The following PTPRG variants were observed in gnomAD, a reference collection of about 807,000 sequenced individuals.
PTPRG encodes protein tyrosine phosphatase receptor type G, also known as receptor-type tyrosine-protein phosphatase gamma.
A neutral mutation model predicts 165.3 loss-of-function variants in PTPRG; 102 were observed. The ratio of observed to expected loss-of-function variants is 0.62; its 90% CI spans 0.53 to 0.73. PTPRG has a LOEUF of 0.73. Ranked by LOEUF, PTPRG falls within the 30% of genes least tolerant of loss-of-function variation. The pLI is 0.00. For missense variants in PTPRG, 1,866 were observed against 1,861.4 expected, an observed-to-expected ratio of 1.00 and a Z score of -0.05; for synonymous variants, 675 against 669.5, an observed-to-expected ratio of 1.01 and a Z score of -0.13.
Position 61,887,170 on chromosome 3 carries a change from A to ATATATATATTTT in PTPRG, c.191-102454_191-102453insATATATATTTTT, listed in dbSNP as rs60282456. On this transcript the variant is annotated intron_variant, in intron 2 of 29. Transcript: ENST00000474889. ...TATATATATATATATATATATATAT[A>ATATATATATTTT]TTTTTAATGCCATCATCAAACACTC... Among the ~76,000 whole-genome samples the ATATATATATTTT allele has an allele frequency of 1.3e-4, 15 of 115,532 alleles. No homozygotes were observed. In the East Asian group the frequency reaches 3.0e-3, roughly 23 times the overall value. The allele number at this position is 115,532 out of a possible 152,430, so 75.8% of individuals were successfully genotyped here. A position where few individuals can be genotyped will look rare whatever the true frequency, so the allele number is the denominator to read the frequency against.
chr3:61,931,312 G>C (rs1178194661), intron 2 of PTPRG, among the ~76,000 whole-genome samples: 1 of 152,192 alleles, frequency 6.6e-6, no homozygotes, highest in African/African-American at 2.4e-5. Context: ...TTTATTACTT[G>C]TTGTGGCTAA....
chr3:61,962,741 G>A (rs1416000925), intron 2 of PTPRG, among the ~76,000 whole-genome samples: 2 of 152,094 alleles, frequency 1.3e-5, no homozygotes, highest in Admixed American at 6.5e-5. Context: ...TGAATGCTTA[G>A]TATGTGTCAG....
At chr3:61,979,762 A>G (rs1259204731) in intron 2 of PTPRG, among the ~76,000 whole-genome samples, 2 of 152,154 alleles carry the variant, frequency 1.3e-5, no homozygotes, top group African/African-American at 4.8e-5. Flanking sequence ...CCCAGATAGC[A>G]TTTAATAGTT....
At chr3:62,004,242 G>C (rs1017495939) in intron 4 of PTPRG, among the ~76,000 whole-genome samples, 1 of 152,146 alleles carries the variant, frequency 6.6e-6, no homozygotes. Context: ...GAACATGTTT[G>C]TTTCTTGGTA....
intron 1 of PTPRG, among the ~76,000 whole-genome samples, chr3:61,662,111 G>A (rs1402915322): frequency 3.3e-5 from 5 of 152,154 alleles, no homozygotes; most frequent in Admixed American, 1.3e-4. Flanking sequence ...TTCTTGTCTT[G>A]GAAGGGGTTA....
intron 1 of PTPRG, among the ~76,000 whole-genome samples, chr3:61,622,436 AT>A (rs138099522): frequency 1.5e-4 from 22 of 147,652 alleles, no homozygotes; most frequent in Middle Eastern, 3.5e-3. Flanking sequence ...TTGGATGATA[AT>A]TTTTTTTTTT....
At chr3:61,880,947 CTT>C (rs199965020) in intron 2 of PTPRG, among the ~76,000 whole-genome samples, 24,039 of 139,266 alleles carry the variant, frequency 0.17, 1,911 homozygotes, top group African/African-American at 0.2. Flanking sequence ...GCTATGCTGT[CTT>C]TTTTTTTTTT....
chr3:62,022,357 G>A (rs1282724905), intron 4 of PTPRG, among the ~76,000 whole-genome samples: 1 of 152,316 alleles, frequency 6.6e-6, no homozygotes, highest in South Asian at 2.1e-4. Context: ...GTTAAATCTA[G>A]TTTTGGTGCT....
intron 4 of PTPRG, among the ~76,000 whole-genome samples, chr3:62,071,254 C>T (rs9841569): frequency 0.76 from 116,007 of 152,092 alleles, 44,952 homozygotes; most frequent in East Asian, 0.87. Context: ...GTGGGGGGCA[C>T]GTGGGAGAAA....
chr3:61,746,149 C>T (rs1575628372), intron 1 of PTPRG, among the ~76,000 whole-genome samples: 1 of 149,140 alleles, frequency 6.7e-6, no homozygotes, highest in Admixed American at 6.7e-5. Context: ...CTCACGCTAT[C>T]GTCCCACCTC....
intron 4 of PTPRG, among the ~76,000 whole-genome samples, chr3:62,029,362 G>A (rs188008484): frequency 1.2e-4 from 18 of 152,246 alleles, no homozygotes; most frequent in African/African-American, 4.1e-4. Flanking sequence ...GTCCCAGAAA[G>A]GAAGAGAAAG....
At chr3:61,792,529 A>C (rs2034907371) in intron 2 of PTPRG, among the ~76,000 whole-genome samples, 1 of 152,150 alleles carries the variant, frequency 6.6e-6, no homozygotes, top group African/African-American at 2.4e-5. Context: ...TAGTGGGCCC[A>C]CGTTGGGCTA....
Position 62,217,408 on chromosome 3 carries a change from C to T in PTPRG, c.2156-1443C>T, listed in dbSNP as rs1401423963. On this transcript the variant is annotated intron_variant, in intron 12 of 29. Transcript: ENST00000474889. The surrounding 1 kb of genome is among the most constrained non-coding windows in gnomAD (Gnocchi z 4.3). ...AAATCCAGTGAAACGCATCGTAACACACTTCTTCCTGACTCGGGAGTCTTG... is the reference window on the plus strand; with the variant it reads ...AAATCCAGTGAAACGCATCGTAACATACTTCTTCCTGACTCGGGAGTCTTG... 1.3e-5 allele frequency among the ~76,000 whole-genome samples: 2 copies of T among 152,184 alleles called. No homozygotes were observed. Among genetic ancestry groups the T allele is most frequent in the Non-Finnish European group, 1.5e-5 (1 of 68,040 alleles).
At chr3:62,026,655 G>C (rs1402346958) in intron 4 of PTPRG, among the ~76,000 whole-genome samples, 2 of 152,116 alleles carry the variant, frequency 1.3e-5, no homozygotes, top group Non-Finnish European at 2.9e-5. Flanking sequence ...GGGAGGCCAA[G>C]GTCGGTGGAT....
chr3:61,562,302 G>A lies in PTPRG; in HGVS notation c.15G>A (p.Leu5=), dbSNP rs748070493. The A allele has an allele frequency of 8.7e-6, 14 of 1,613,570 alleles. No individual in the cohort carries two copies. Among genetic ancestry groups the A allele is most frequent in the Non-Finnish European group, 1.2e-5 (14 of 1,179,680 alleles). The change falls in exon 1 of 30, where the codon CTG becomes CTA. Residue 5 remains leucine (L), a synonymous_variant. Transcript: ENST00000474889. The part of the protein sequence containing the change: MRRL[L]EPCWWILFLK... ...CGTTTTCGGACATGCGGAGGTTACT[G>A]GAACCGTGTTGGTGGATTTTGTTCC... is the stretch of plus-strand genomic sequence containing the variant.
chr3:61,718,056 C>T (rs1003854627), intron 1 of PTPRG, among the ~76,000 whole-genome samples: 1 of 151,742 alleles, frequency 6.6e-6, no homozygotes, highest in African/African-American at 2.4e-5. Context: ...GGTGCGGGCA[C>T]CTGTAGTCCC....
Position 62,169,033 on chromosome 3 carries a change from C to T in PTPRG, c.1033+870C>T, listed in dbSNP as rs139153417. ...GATGCTCCTTCTCTTCTCCCTGCCA[C>T]GCCATTCTGCTGTTCTTCTGCTCTT... On this transcript the variant is annotated intron_variant, in intron 8 of 29. Coordinates refer to ENST00000474889, the MANE Select transcript of PTPRG (RefSeq NM_002841.4). 3.1e-3 allele frequency among the ~76,000 whole-genome samples: 479 copies of T among 152,252 alleles called. 1 individual carries two copies. In the Middle Eastern group the frequency reaches 0.065, roughly 21 times the overall value.
At chr3:62,235,435 AACTGTC>A (rs1235066842) in intron 14 of PTPRG, among the ~76,000 whole-genome samples, 1 of 152,164 alleles carries the variant, frequency 6.6e-6, no homozygotes, top group African/African-American at 2.4e-5. Flanking sequence ...AAAATAAAAG[AACTGTC>A]ACGGTCTCAT....
chr3:61,908,613 T>G (rs2038718860), intron 2 of PTPRG, among the ~76,000 whole-genome samples: 1 of 152,098 alleles, frequency 6.6e-6, no homozygotes, highest in Admixed American at 6.6e-5. Context: ...CCCTGGAACC[T>G]TCTGCTTCTG....
Sources: gnomAD v4.1 joint callset for allele counts (sites outside exome capture counted in the v4.1 genomes callset) on GRCh38, gnomAD v4.1.1 for gene constraint, Gnocchi (gnomAD v3.1) non-coding constraint, MANE v1.5 for transcripts, NCBI Gene and HGNC (gene_info 2026-07-23, HGNC 2026-07-21) for gene names.